TPH2: variants seen among roughly 807,000 people sequenced by gnomAD.
TPH2 encodes the protein tryptophan hydroxylase 2, also known as tryptophan 5-hydroxylase 2.
In TPH2, 27 loss-of-function variants were observed where a neutral mutation model predicts 59.1. That is an observed-to-expected ratio of 0.46 (90% CI 0.34 to 0.63). The LOEUF is 0.63. Ranked by LOEUF, TPH2 falls within the 30% of genes least tolerant of loss-of-function variation. The pLI is 0.01. For missense variants in TPH2, 523 were observed against 588.3 expected (o/e 0.89, Z 1.15); for synonymous variants, 220 against 210.5 (o/e 1.05, Z -0.39).
At chr12:71,985,389 A>G (rs983100671) in intron 7 of TPH2, among the ~76,000 whole-genome samples, 8 of 152,006 alleles carry the variant, frequency 5.3e-5, no homozygotes, top group Admixed American at 2.6e-4. Context: ...AAGGGATTTG[A>G]AAAGGCTACT....
chr12:71,979,819 C>T (rs1212974938), intron 7 of TPH2, among the ~76,000 whole-genome samples: 1 of 152,170 alleles, frequency 6.6e-6, no homozygotes, highest in South Asian at 2.1e-4. Flanking sequence ...TGTGAAATGC[C>T]CTGTATCATA....
intron 1 of TPH2, among the ~76,000 whole-genome samples, chr12:71,941,174 C>T (rs1871051916): frequency 6.6e-6 from 1 of 152,004 alleles, no homozygotes; most frequent in Non-Finnish European, 1.5e-5. Context: ...TATGTTTGAT[C>T]TTATTTTTAA....
intron 2 of TPH2, among the ~76,000 whole-genome samples, chr12:71,942,327 C>T (rs1395015162): frequency 6.6e-6 from 1 of 152,132 alleles, no homozygotes; most frequent in South Asian, 2.1e-4. Context: ...CAAGAAAGAT[C>T]CTGGTTAGGG....
intron 7 of TPH2, among the ~76,000 whole-genome samples, chr12:71,982,764 T>C (rs1421298508): frequency 6.6e-6 from 1 of 152,188 alleles, no homozygotes; most frequent in African/African-American, 2.4e-5. Context: ...ACTGTTGTAG[T>C]GGAGGCTGCG....
chr12:71,939,316 A>C (rs1169121017), intron 1 of TPH2, among the ~76,000 whole-genome samples: 2 of 149,300 alleles, frequency 1.3e-5, no homozygotes, highest in African/African-American at 4.9e-5. Context: ...TTTTCCGCAA[A>C]GTTTGTAAGT....
intron 5 of TPH2, chr12:71,961,435 T>C: frequency 1.1e-6 from 1 of 882,894 alleles, no homozygotes; most frequent in Non-Finnish European, 1.5e-6. Context: ...CTTCTTCATC[T>C]ATCACTCTGA....
intron 4 of TPH2, among the ~76,000 whole-genome samples, chr12:71,946,741 A>G (rs1302415005): frequency 6.6e-6 from 1 of 152,112 alleles, no homozygotes; most frequent in African/African-American, 2.4e-5. Context: ...GACCGTTGTG[A>G]TAGGATACTT....
At chr12:72,002,255 A>G (rs1246940209) in intron 8 of TPH2, among the ~76,000 whole-genome samples, 2 of 152,172 alleles carry the variant, frequency 1.3e-5, no homozygotes, top group Non-Finnish European at 2.9e-5. Flanking sequence ...TCATACTCCC[A>G]GGCGAGAAAG....
intron 8 of TPH2, among the ~76,000 whole-genome samples, chr12:72,006,482 T>G (rs1872956393): frequency 1.3e-5 from 2 of 151,984 alleles, no homozygotes; most frequent in Non-Finnish European, 2.9e-5. Context: ...AGGACTCTTG[T>G]GGAAGGCAGG....
intron 5 of TPH2, among the ~76,000 whole-genome samples, chr12:71,950,014 G>A (rs185803199): frequency 2.0e-5 from 3 of 152,090 alleles, no homozygotes; most frequent in Admixed American, 2.0e-4. Context: ...CTGCTTCCCC[G>A]ATGAAAGTAG....
At chr12:71,944,746 C>A in intron 4 of TPH2, 60 bp downstream of exon 4, 1 of 1,444,034 alleles carries the variant, frequency 6.9e-7, no homozygotes, top group East Asian at 2.3e-5. Context: ...ATGTGCCAGG[C>A]ACTGTGCCAT....
In TPH2 at chr12:72,005,390, C is replaced by CAT. The variant is rs72150101; in HGVS notation, c.1068+10830_1068+10831dup. ...TTCCTCTTTCTTATTAAAAAGATAA[C>CAT]ATATATTTATTGTAGAAAAAATTTA... On this transcript the variant is annotated intron_variant, in intron 8 of 10. Coordinates refer to ENST00000333850, the MANE Select transcript of TPH2 (RefSeq NM_173353.4). Among the ~76,000 whole-genome samples, 36 of 151,838 alleles carry CAT rather than the reference C, an allele frequency of 2.4e-4. No homozygotes were observed. In the South Asian group the frequency reaches 4.2e-3, roughly 18 times the overall value.
At chr12:72,008,935 T>A (rs988603859) in intron 8 of TPH2, among the ~76,000 whole-genome samples, 10 of 152,114 alleles carry the variant, frequency 6.6e-5, no homozygotes, top group Non-Finnish European at 1.5e-5. Flanking sequence ...CTGGCTAATA[T>A]CTGAGCAGTG....
intron 8 of TPH2, among the ~76,000 whole-genome samples, chr12:71,995,174 T>C (rs1872665059): frequency 6.6e-6 from 1 of 152,158 alleles, no homozygotes; most frequent in Non-Finnish European, 1.5e-5. Flanking sequence ...GATGTTATAG[T>C]ATCTTCCTAA....
intron 4 of TPH2, among the ~76,000 whole-genome samples, chr12:71,948,206 C>G (rs1871249357): frequency 6.6e-6 from 1 of 151,912 alleles, no homozygotes; most frequent in African/African-American, 2.4e-5. Flanking sequence ...ACCCAAACTT[C>G]AAGGACTGTG....
chr12:71,962,316 A>C, intron 5 of TPH2: 1 of 985,458 alleles, frequency 1.0e-6, no homozygotes, highest in South Asian at 4.7e-5. Flanking sequence ...TTTGAAGTTC[A>C]TTCATTACAA....
At chr12:71,949,691 A>G (rs1002636338) in intron 5 of TPH2, 36 bp downstream of exon 5, 2 of 1,565,622 alleles carry the variant, frequency 1.3e-6, no homozygotes, top group Non-Finnish European at 1.8e-6. Flanking sequence ...GTCACTGGCT[A>G]GTTAGGAAAA....
rs757272692 is a variant in TPH2 at position 71,961,709 on chromosome 12, T to C, written c.609-10810T>C. On this transcript the variant is annotated intron_variant, in intron 5 of 10. Coordinates refer to ENST00000333850, the MANE Select transcript of TPH2 (RefSeq NM_173353.4). ...CTGTTGATATTTAATTTCATGATAG[T>C]TTTTGCAGATGAAAATCACTTCTCT... 21 of 1,348,604 alleles carry C rather than the reference T, an allele frequency of 1.6e-5. No homozygotes were observed. The Middle Eastern group carries it at 6.3e-4, about 40-fold the overall frequency. The allele number at this position is 1,348,604 out of a possible 1,614,324, so 83.5% of individuals were successfully genotyped here. A position where few individuals can be genotyped will look rare whatever the true frequency, so the allele number is the denominator to read the frequency against.
chr12:72,004,996 C>A (rs1329542184), intron 8 of TPH2, among the ~76,000 whole-genome samples: 1 of 152,164 alleles, frequency 6.6e-6, no homozygotes, highest in African/African-American at 2.4e-5. Flanking sequence ...GATTAGAAAT[C>A]TCTTGGCTGT....
Sources: gnomAD v4.1 joint callset for allele counts (sites outside exome capture counted in the v4.1 genomes callset) on GRCh38, gnomAD v4.1.1 for gene constraint, MANE v1.5 for transcripts, NCBI Gene and HGNC (gene_info 2026-07-23, HGNC 2026-07-21) for gene names.